SH3TC2: variants seen among roughly 807,000 people sequenced by gnomAD.
The protein encoded by SH3TC2 is SH3 domain and tetratricopeptide repeats 2.
A neutral mutation model predicts 124.5 loss-of-function variants in SH3TC2; 87 were observed. The observed-to-expected ratio is 0.70, with a 90% CI of 0.59 to 0.84. SH3TC2 has a LOEUF of 0.84. SH3TC2 is among the 40% of genes least tolerant of loss of function. The pLI is 0.00. For missense variants in SH3TC2, 1,536 were observed against 1,566.4 expected, an observed-to-expected ratio of 0.98 and a Z score of 0.33; for synonymous variants, 634 against 628.5, an observed-to-expected ratio of 1.01 and a Z score of -0.13.
intron 3 of SH3TC2, chr5:149,045,982 A>G: frequency 2.3e-6 from 1 of 429,912 alleles, no homozygotes; most frequent in Non-Finnish European, 4.6e-6. Flanking sequence ...AGCAGGTCTG[A>G]ATCACTGCCC....
chr5:149,015,736 C>T (rs1271043272), intron 12 of SH3TC2, among the ~76,000 whole-genome samples: 7 of 152,202 alleles, frequency 4.6e-5, no homozygotes, highest in Admixed American at 1.3e-4. Context: ...GCTGGGGCTT[C>T]CCAGGTCCCT....
At chr5:149,055,702 T>C (rs1414525709) in intron 1 of SH3TC2, among the ~76,000 whole-genome samples, 1 of 152,162 alleles carries the variant, frequency 6.6e-6, no homozygotes, top group Non-Finnish European at 1.5e-5. Context: ...GCACTATTTA[T>C]AAGAACCCAA....
At chr5:149,006,772 G>T in intron 16 of SH3TC2, 109 bp downstream of exon 16, 4 of 1,111,832 alleles carry the variant, frequency 3.6e-6, no homozygotes, top group Non-Finnish European at 5.5e-6. Flanking sequence ...TCTCATCTTG[G>T]CACTCTGGTT....
rs769538395 is a variant in SH3TC2 at position 149,052,126 on chromosome 5, T to C, written c.151+16A>G. On this transcript the variant is annotated intron_variant, in intron 2 of 16. Coordinates refer to ENST00000515425, the MANE Select transcript of SH3TC2 (RefSeq NM_024577.4). ...TCAACATGGAAGAATAGGGCTTGTCTTTGGCATTTGGATACCTGGATTAAT... is the reference window on the plus strand; with the variant it reads ...TCAACATGGAAGAATAGGGCTTGTCCTTGGCATTTGGATACCTGGATTAAT... The C allele has an allele frequency of 2.6e-6, 4 of 1,558,430 alleles. No individual in the cohort carries two copies. In the African/African-American group the frequency reaches 4.1e-5, roughly 16 times the overall value.
chr5:149,021,105 A>G (rs79209537), intron 12 of SH3TC2, among the ~76,000 whole-genome samples: 6,665 of 152,222 alleles, frequency 0.044, 207 homozygotes, highest in South Asian at 0.087. Flanking sequence ...CCACAAAGAA[A>G]TGAAATTAGA....
intron 16 of SH3TC2, among the ~76,000 whole-genome samples, chr5:149,005,522 C>A (rs1753672208): frequency 6.6e-6 from 1 of 152,176 alleles, no homozygotes; most frequent in Non-Finnish European, 1.5e-5. Flanking sequence ...TTTCCCTTTA[C>A]AATCCGTGGA....
rs1210794926 is a variant in SH3TC2 at position 149,004,789 on chromosome 5, G to A, written c.3789C>T (p.Ser1263=). Residue 1263 remains serine, a synonymous_variant, in exon 17 of 17, where the codon AGC becomes AGT. Transcript: ENST00000515425. Reference sequence around the variant, plus strand: ...CGGAGGGCCTGCTGTGCCACAGGGGGCTCTGGCAGATGTTGTCCAGCCTGC... The same window carrying A: ...CGGAGGGCCTGCTGTGCCACAGGGGACTCTGGCAGATGTTGTCCAGCCTGC... The part of the protein sequence containing the change: ...IRSRLDNICQ[S]PLWHSRPSGC... 1.2e-6 allele frequency: 2 copies of A among 1,614,094 alleles called. No individual in the cohort carries two copies. The highest frequency in any genetic ancestry group is 2.2e-5 in the East Asian group (1 of 44,844).
intron 12 of SH3TC2, among the ~76,000 whole-genome samples, chr5:149,013,503 T>C (rs890008094): frequency 2.6e-5 from 4 of 152,150 alleles, no homozygotes; most frequent in African/African-American, 9.7e-5. Flanking sequence ...TAATACAAAA[T>C]AGACACCAAA....
Position 149,004,677 on chromosome 5 carries a change from C to T in SH3TC2, c.*34G>A, listed in dbSNP as rs1237283108. On this transcript the variant is annotated 3_prime_UTR_variant, in exon 17 of 17. Transcript: ENST00000515425. Reference sequence around the variant, plus strand: ...CTAGGGCAGTGGGGTCAGAGTCTGGCCATGCCAAATGTCCAGAGACAGGAC... The same window carrying T: ...CTAGGGCAGTGGGGTCAGAGTCTGGTCATGCCAAATGTCCAGAGACAGGAC... 1 of 1,608,810 alleles carries T rather than the reference C, an allele frequency of 6.2e-7. No individual in the cohort carries two copies. The highest frequency in any genetic ancestry group is 8.5e-7 in the Non-Finnish European group (1 of 1,177,498).
chr5:149,062,508 CTG>C (rs1341375601), intron 1 of SH3TC2: 2 of 452,440 alleles, frequency 4.4e-6, no homozygotes, highest in Non-Finnish European at 8.9e-6. Context: ...ACAAATCACT[CTG>C]TAATAGGTGG....
chr5:149,007,564 A>T (rs1033261984), intron 15 of SH3TC2: 4 of 247,204 alleles, frequency 1.6e-5, no homozygotes, highest in African/African-American at 9.0e-5. Flanking sequence ...TCTTCAGAGA[A>T]TTATCTTGGG....
chr5:149,022,260 A>G (rs1753986639), intron 12 of SH3TC2, among the ~76,000 whole-genome samples: 1 of 152,188 alleles, frequency 6.6e-6, no homozygotes, highest in Non-Finnish European at 1.5e-5. Context: ...CCAAAGATAC[A>G]CAAAGGGCTA....
intron 8 of SH3TC2, among the ~76,000 whole-genome samples, chr5:149,036,300 G>A (rs1162962541): frequency 2.0e-5 from 3 of 151,980 alleles, no homozygotes; most frequent in Non-Finnish European, 4.4e-5. Flanking sequence ...CCTACCAATG[G>A]CCAGTCCCAA....
Position 149,027,090 on chromosome 5 carries a change from T to C in SH3TC2, c.2642A>G (p.Asn881Ser), listed in dbSNP as rs80338930. The C allele has an allele frequency of 9.9e-6, 16 of 1,614,032 alleles. No homozygotes were observed. Among genetic ancestry groups the C allele is most frequent in the African/African-American group, 2.7e-5 (2 of 74,938 alleles). Residue 881 changes from asparagine (N) to serine (S), a missense_variant, in exon 11 of 17, where the codon AAT (asparagine) becomes AGT (serine). By Grantham distance (46) the Asn-to-Ser change is conservative. Around this residue, in one of 3 missense-constraint regions of SH3TC2, gnomAD observed 1,102 missense variants for 1,098.6 expected, o/e 1.00. Transcript: ENST00000515425. ...DVHNQAVAMA[N>S]LGHLSLKSWA... ...GGACTTAAGGCTCAGGTGGCCAAGA[T>C]TGGCCATAGCCACTGCCTGGTTATG... is the stretch of plus-strand genomic sequence containing the variant.
rs1218540088 is a variant in SH3TC2, at chr5:148,987,993, T to C, written c.*16718A>G. Among the ~76,000 whole-genome samples, 1 of 152,166 alleles carries C rather than the reference T, an allele frequency of 6.6e-6. No homozygotes were observed. The highest frequency in any genetic ancestry group is 1.5e-5 in the Non-Finnish European group (1 of 68,036). ...GATACCCACAAGGAAGTGCCGAGAA[T>C]GCTGTTGCACCTCCTCTGGCCAAGG... is the stretch of plus-strand genomic sequence containing the variant. On this transcript the variant is annotated 3_prime_UTR_variant, in exon 17 of 17. Transcript: ENST00000515425.
chr5:149,021,447 G>A (rs557540140), intron 12 of SH3TC2, among the ~76,000 whole-genome samples: 1 of 150,958 alleles, frequency 6.6e-6, no homozygotes, highest in East Asian at 1.9e-4. Flanking sequence ...AAAAATAAAT[G>A]ATATAGAGAA....
At position 149,027,720 on chromosome 5, in the gene SH3TC2, G is replaced by A; in HGVS notation, c.2012C>T (p.Ala671Val). The change falls in exon 11 of 17, where the codon GCT (alanine) becomes GTT (valine). Residue 671 changes from alanine (A) to valine (V), a missense_variant. Coordinates refer to ENST00000515425, the MANE Select transcript of SH3TC2 (RefSeq NM_024577.4). ...CAGAAAACTCAAAACACTGGCCACAGCCTCAGAGGCAGGAGGGTGTCCAGA... is the reference window on the plus strand; with the variant it reads ...CAGAAAACTCAAAACACTGGCCACAACCTCAGAGGCAGGAGGGTGTCCAGA... Reference protein sequence around the residue: ...LLSGHPPASEAVASVLSFLYD... With the variant: ...LLSGHPPASEVVASVLSFLYD... The A allele has an allele frequency of 6.2e-7, 1 of 1,614,042 alleles. No individual in the cohort carries two copies. Among genetic ancestry groups the A allele is most frequent in the Non-Finnish European group, 8.5e-7 (1 of 1,179,950 alleles).
At chr5:149,061,017 C>A (rs1015099921) in intron 1 of SH3TC2, among the ~76,000 whole-genome samples, 1 of 152,116 alleles carries the variant, frequency 6.6e-6, no homozygotes, top group Non-Finnish European at 1.5e-5. Flanking sequence ...ACCTACAACA[C>A]CAATATCAAC....
chr5:149,019,023 G>C (rs987962272), intron 12 of SH3TC2, among the ~76,000 whole-genome samples: 3 of 152,180 alleles, frequency 2.0e-5, no homozygotes, highest in Admixed American at 6.5e-5. Context: ...AGCTTTGTGA[G>C]AATGCAAATC....
Sources: gnomAD v4.1 joint callset for allele counts (sites outside exome capture counted in the v4.1 genomes callset) on GRCh38, gnomAD v4.1.1 for gene constraint, gnomAD v4.1.1 regional missense constraint, MANE v1.5 for transcripts, NCBI Gene and HGNC (gene_info 2026-07-23, HGNC 2026-07-21) for gene names.